HERC3: variants seen among roughly 807,000 people sequenced by gnomAD.
The protein encoded by HERC3 is HECT and RLD domain containing E3 ubiquitin protein ligase 3.
A neutral mutation model predicts 129.9 loss-of-function variants in HERC3; 58 were observed. The ratio of observed to expected loss-of-function variants is 0.45; its 90% confidence interval spans 0.36 to 0.56. HERC3 has a LOEUF of 0.56. Ranked by LOEUF, HERC3 falls within the 20% of genes least tolerant of loss-of-function variation. The pLI, the probability that HERC3 is intolerant of heterozygous loss-of-function variation, is 0.00. For missense variants in HERC3, 835 were observed against 1,244.2 expected (o/e 0.67, Z 4.95); for synonymous variants, 430 against 451.0 (o/e 0.95, Z 0.59).
the HERC3 span, among the ~76,000 whole-genome samples, chr4:88,552,317 G>C: frequency 6.6e-6 from 1 of 151,520 alleles, no homozygotes; most frequent in Non-Finnish European, 1.5e-5. Context: ...TCTGCTCTTT[G>C]TGTCTCAGAG....
At chr4:88,593,965 C>T (rs1722047697) in intron 1 of HERC3, among the ~76,000 whole-genome samples, 1 of 152,182 alleles carries the variant, frequency 6.6e-6, no homozygotes, top group Admixed American at 6.5e-5. Context: ...AATTGAATTA[C>T]ATATTTTACA....
At chr4:88,673,369 A>T (rs1470257093) in intron 16 of HERC3, among the ~76,000 whole-genome samples, 1 of 152,002 alleles carries the variant, frequency 6.6e-6, no homozygotes, top group Non-Finnish European at 1.5e-5. Context: ...CATTTAGGAG[A>T]TGTTGACTTC....
intron 9 of HERC3, among the ~76,000 whole-genome samples, chr4:88,658,036 C>G (rs1004699325): frequency 6.6e-6 from 1 of 152,184 alleles, no homozygotes; most frequent in Non-Finnish European, 1.5e-5. Flanking sequence ...CCTTCCGTGG[C>G]AAGATTCGTC....
chr4:88,575,048 A>G, the HERC3 span, among the ~76,000 whole-genome samples: 3 of 152,350 alleles, frequency 2.0e-5, no homozygotes, highest in African/African-American at 7.2e-5. Flanking sequence ...AGACAGAGAT[A>G]CAGCTTCAGC....
intron 23 of HERC3, 78 bp downstream of exon 23, chr4:88,687,377 A>G: frequency 1.1e-6 from 1 of 907,968 alleles, no homozygotes; most frequent in African/African-American, 1.7e-5. Flanking sequence ...CAAAATAAAA[A>G]TTACTTTTTA....
the HERC3 span, among the ~76,000 whole-genome samples, chr4:88,579,234 TATA>T: frequency 1.2e-4 from 12 of 96,126 alleles, no homozygotes; most frequent in African/African-American, 1.1e-3. Context: ...AAAAAAAAAA[TATA>T]TATATATATA....
rs2149312765 is a variant in HERC3 at position 88,678,203 on chromosome 4, C to T, written c.2196+69C>T. ...TCTTTGAACAGTGTTGATTAAGCAG[C>T]AGTGATCTTATTAAAATTGTGGGGT... On this transcript the variant is annotated intron_variant, in intron 19 of 25. Coordinates refer to ENST00000402738, the MANE Select transcript of HERC3 (RefSeq NM_014606.3). 3.6e-6 allele frequency: 5 copies of T among 1,371,360 alleles called. No individual in the cohort carries two copies. The East Asian group carries it at 1.2e-4, about 32-fold the overall frequency. The allele number at this position is 1,371,360 out of a possible 1,614,324, so 84.9% of individuals were successfully genotyped here. A position where few individuals can be genotyped will look rare whatever the true frequency, so the allele number is the denominator to read the frequency against.
chr4:88,540,428 G>A, the HERC3 span, among the ~76,000 whole-genome samples: 1 of 152,112 alleles, frequency 6.6e-6, no homozygotes, highest in Admixed American at 6.6e-5. Flanking sequence ...CAAAGCATCC[G>A]AGAAATATGG....
intron 10 of HERC3, among the ~76,000 whole-genome samples, chr4:88,661,641 G>A (rs1730501022): frequency 6.6e-6 from 1 of 152,160 alleles, no homozygotes; most frequent in South Asian, 2.1e-4. Context: ...TTTAGAAAAG[G>A]AAAGTGCTTA....
chr4:88,693,782 G>GA (rs1734316677), intron 23 of HERC3: 1 of 616,832 alleles, frequency 1.6e-6, no homozygotes, highest in African/African-American at 2.0e-5. Context: ...GTAATACTCA[G>GA]AGAGTTGGTT....
chr4:88,697,276 G>A (rs1578341261), intron 23 of HERC3: 5 of 1,589,932 alleles, frequency 3.1e-6, no homozygotes, highest in East Asian at 2.2e-5. Flanking sequence ...AGCCTCTGCC[G>A]CAGCCTCCTC....
intron 3 of HERC3, among the ~76,000 whole-genome samples, chr4:88,626,226 T>G (rs1726080997): frequency 6.6e-6 from 1 of 152,130 alleles, no homozygotes; most frequent in African/African-American, 2.4e-5. Context: ...TTTCTTTTCT[T>G]TTTTTGAGAC....
At chr4:88,675,256 G>C (rs1014457586) in intron 16 of HERC3, among the ~76,000 whole-genome samples, 3 of 152,176 alleles carry the variant, frequency 2.0e-5, no homozygotes, top group South Asian at 2.1e-4. Flanking sequence ...GACCACACTG[G>C]CCTTTTCTTA....
intron 3 of HERC3, among the ~76,000 whole-genome samples, chr4:88,637,224 G>A (rs1188706810): frequency 6.6e-6 from 1 of 151,982 alleles, no homozygotes; most frequent in Non-Finnish European, 1.5e-5. Flanking sequence ...AGGAGATCGA[G>A]ACCATCCTGG....
At chr4:88,654,410 TTA>T (rs952017166) in intron 7 of HERC3, among the ~76,000 whole-genome samples, 3 of 139,220 alleles carry the variant, frequency 2.2e-5, no homozygotes, top group Admixed American at 7.3e-5. Flanking sequence ...ATAATGTAGA[TTA>T]TATATATATA....
intron 16 of HERC3, 65 bp downstream of exon 16, chr4:88,670,317 T>C (rs1292737372): frequency 6.6e-6 from 7 of 1,060,282 alleles, no homozygotes; most frequent in Non-Finnish European, 1.0e-5. Flanking sequence ...ATGTGAGCTG[T>C]ATAATATGTC....
chr4:88,578,626 A>G, the HERC3 span, among the ~76,000 whole-genome samples: 4 of 152,096 alleles, frequency 2.6e-5, no homozygotes, highest in African/African-American at 9.7e-5. Flanking sequence ...GGAATTTTTA[A>G]TAGCACAAAG....
chr4:88,697,199 G>A (rs779059058), intron 23 of HERC3: 5 of 1,504,438 alleles, frequency 3.3e-6, no homozygotes, highest in South Asian at 2.8e-5. Flanking sequence ...ATCCATCTCT[G>A]CCCCCCTTAC....
At chr4:88,652,164 A>G (rs1578245739) in intron 5 of HERC3, 76 bp downstream of exon 5, 2 of 1,141,676 alleles carry the variant, frequency 1.8e-6, no homozygotes, top group South Asian at 1.2e-5. Flanking sequence ...GTGTGATATT[A>G]TCTAACTGAA....
Sources: allele counts gnomAD v4.1 joint callset (sites outside exome capture counted in the v4.1 genomes callset), GRCh38; gene constraint gnomAD v4.1.1; transcripts MANE v1.5; gene names NCBI Gene and HGNC (gene_info 2026-07-23, HGNC 2026-07-21).